SPTAN1: variants seen among roughly 807,000 people sequenced by gnomAD.
SPTAN1 encodes the protein spectrin alpha, non-erythrocytic 1, also known as spectrin alpha chain, non-erythrocytic 1.
Under a neutral mutation model 331.3 loss-of-function variants are expected in SPTAN1, and 61 were observed. The ratio of observed to expected loss-of-function variants is 0.18; its 90% CI spans 0.15 to 0.23. SPTAN1 has a LOEUF of 0.23. Among genes scored for constraint, SPTAN1 ranks in the 10% least tolerant of loss-of-function variants. SPTAN1 has a pLI of 1.00. For missense variants in SPTAN1, 2,043 were observed against 3,147.9 expected (o/e 0.65, Z 8.40); for synonymous variants, 1,153 against 1,173.9 (o/e 0.98, Z 0.36).
chr9:128,613,515 G>T (rs1229818962), intron 40 of SPTAN1, 30 bp downstream of exon 40: 2 of 1,574,328 alleles, frequency 1.3e-6, no homozygotes, highest in Non-Finnish European at 1.7e-6. Context: ...CCAGGCCCGA[G>T]TGCCTGGGAC....
chr9:128,593,203 G>A (rs566633513), intron 23 of SPTAN1, 161 bp downstream of exon 23: 57 of 763,060 alleles, frequency 7.5e-5, no homozygotes, highest in Admixed American at 3.0e-4. Flanking sequence ...GGAAGAGGTC[G>A]CGGTGCAGCT....
intron 1 of SPTAN1, among the ~76,000 whole-genome samples, chr9:128,564,175 C>T (rs1219356655): frequency 6.6e-6 from 1 of 152,052 alleles, no homozygotes; most frequent in Non-Finnish European, 1.5e-5. Flanking sequence ...AATCTTAGCA[C>T]TTTGGGAGGC....
intron 9 of SPTAN1, among the ~76,000 whole-genome samples, chr9:128,578,704 C>T (rs1185673706): frequency 6.6e-6 from 1 of 152,008 alleles, no homozygotes; most frequent in Non-Finnish European, 1.5e-5. Context: ...TGGCACGCGC[C>T]TGTAGTCCCA....
intron 11 of SPTAN1, 150 bp downstream of exon 11, chr9:128,581,209 C>T: frequency 2.7e-6 from 3 of 1,111,096 alleles, no homozygotes; most frequent in Non-Finnish European, 3.9e-6. Flanking sequence ...CTTCTCTCAG[C>T]TCTGCCAGCA....
At chr9:128,594,586 A>G (rs1853978887) in intron 24 of SPTAN1, among the ~76,000 whole-genome samples, 2 of 151,724 alleles carry the variant, frequency 1.3e-5, no homozygotes, top group African/African-American at 2.4e-5. Flanking sequence ...GTGCGTCACC[A>G]CGCCCTGCTA....
intron 46 of SPTAN1, 133 bp from the exon 47 acceptor site, chr9:128,624,970 G>A: frequency 1.2e-6 from 1 of 857,852 alleles, no homozygotes; most frequent in South Asian, 1.4e-5. Context: ...GCTAATGTGG[G>A]TTCTGAGGCT....
At chr9:128,582,067 A>C in intron 12 of SPTAN1, 175 bp downstream of exon 12, 1 of 640,622 alleles carries the variant, frequency 1.6e-6, no homozygotes, top group South Asian at 1.8e-5. Context: ...ATACAACTTT[A>C]TGGAAAAATG....
intron 18 of SPTAN1, among the ~76,000 whole-genome samples, 163 bp downstream of exon 18, chr9:128,585,006 C>A (rs1852400075): frequency 6.7e-6 from 1 of 149,668 alleles, no homozygotes; most frequent in Non-Finnish European, 1.5e-5. Flanking sequence ...CCTTTCTGAG[C>A]CTGAATTTCT....
chr9:128,614,909 T>C (rs964374776), intron 40 of SPTAN1, among the ~76,000 whole-genome samples: 1 of 152,234 alleles, frequency 6.6e-6, no homozygotes, highest in Non-Finnish European at 1.5e-5. Context: ...TGCAACATCA[T>C]GCATGGCTCA....
At chr9:128,588,680 A>G in intron 20 of SPTAN1, 129 bp from the exon 21 acceptor site, 1 of 1,299,888 alleles carries the variant, frequency 7.7e-7, no homozygotes, top group Non-Finnish European at 1.1e-6. Context: ...TGGTAGCTTC[A>G]GTGAAGAATT....
chr9:128,588,619 ATTT>A (rs775953883), intron 20 of SPTAN1, among the ~76,000 whole-genome samples, 187 bp from the exon 21 acceptor site: 3 of 150,176 alleles, frequency 2.0e-5, no homozygotes, highest in African/African-American at 7.3e-5. Flanking sequence ...ACAAAATGAG[ATTT>A]TTTTTTTAAA....
chr9:128,632,016 C>T (rs763722502), intron 52 of SPTAN1, 111 bp from the exon 53 acceptor site: 45 of 1,094,842 alleles, frequency 4.1e-5, no homozygotes, highest in Middle Eastern at 2.5e-4. Flanking sequence ...TCTTGTTTTA[C>T]GAGGTCTCAG....
intron 48 of SPTAN1, 172 bp from the exon 49 acceptor site, chr9:128,626,219 A>C: frequency 1.0e-6 from 1 of 989,974 alleles, no homozygotes. Context: ...AGGGGAAAAA[A>C]GGCTGGTGAA....
chr9:128,621,131 A>C, intron 44 of SPTAN1, 27 bp from the exon 45 acceptor site: 1 of 1,601,566 alleles, frequency 6.2e-7, no homozygotes, highest in African/African-American at 1.3e-5. Flanking sequence ...GGCTCTCAAT[A>C]GTGTGCCTTG....
intron 45 of SPTAN1, among the ~76,000 whole-genome samples, chr9:128,623,182 A>G (rs1156256278): frequency 6.8e-6 from 1 of 148,010 alleles, no homozygotes; most frequent in East Asian, 2.1e-4. Context: ...GAGCTTCCCT[A>G]GCTAGCTGGG....
chr9:128,633,563 C>T lies in SPTAN1; in HGVS notation c.*229C>T, dbSNP rs948626516. The T allele has an allele frequency of 2.8e-6, 3 of 1,066,604 alleles. No homozygotes were observed. Among genetic ancestry groups the T allele is most frequent in the Non-Finnish European group, 4.1e-6 (3 of 728,792 alleles). 66.1% of individuals were successfully genotyped at this position (1,066,604 alleles called of 1,614,324 possible). On this transcript the variant is annotated 3_prime_UTR_variant, in exon 57 of 57. Coordinates refer to ENST00000372739, the MANE Select transcript of SPTAN1 (RefSeq NM_001130438.3). ...GAAGCAGCTGCCCTCATTCCGACTTCAGAAAATCGAAGCAGCTGGCTCCTC... is the reference window on the plus strand; with the variant it reads ...GAAGCAGCTGCCCTCATTCCGACTTTAGAAAATCGAAGCAGCTGGCTCCTC...
intron 28 of SPTAN1, 128 bp from the exon 29 acceptor site, chr9:128,604,198 G>A (rs780538141): frequency 2.1e-6 from 2 of 952,282 alleles, no homozygotes; most frequent in Non-Finnish European, 3.3e-6. Flanking sequence ...TATTCAGCGA[G>A]GAAGGTTGGA....
At position 128,626,525 on chromosome 9, in the gene SPTAN1, C is replaced by T. The variant is rs537595625; in HGVS notation, c.6414C>T (p.His2138=). 59 of 1,614,176 alleles carry T rather than the reference C, an allele frequency of 3.7e-5. No homozygotes were observed. Among genetic ancestry groups the T allele is most frequent in the East Asian group, 4.5e-5 (2 of 44,882 alleles). Residue 2138 remains histidine, a synonymous_variant, in exon 49 of 57, where the codon CAC becomes CAT. Transcript: ENST00000372739. ...LEEIKALREA[H]DAFRSSLSSA... is the part of the protein sequence containing the mutation. ...AAATCAAAGCTTTGCGCGAGGCCCA[C>T]GACGCCTTCCGCTCCTCCCTCAGCT... is the stretch of plus-strand genomic sequence containing the variant.
chr9:128,607,991 A>T lies in SPTAN1; in HGVS notation c.4286A>T (p.Asp1429Val). ...KLDILDQERA[D>V]LEKAWVQRRM... is the part of the protein sequence containing the mutation. ...GATATTCTTGACCAGGAGCGTGCAG[A>T]CCTGGAGAAGGCCTGGGTTCAGCGC... is the stretch of plus-strand genomic sequence containing the variant. Residue 1429 changes from aspartate (D) to valine (V), a missense_variant, in exon 33 of 57, where the codon GAC becomes GTC. Physicochemically the swap from Asp to Val is radical, Grantham distance 152 (BLOSUM62 -3). This residue lies in a region of SPTAN1 where 179 missense variants were observed against 215.7 expected (regional missense o/e 0.83). Transcript: ENST00000372739. 6.2e-7 allele frequency: 1 copy of T among 1,614,120 alleles called. No individual in the cohort carries two copies. Among genetic ancestry groups the T allele is most frequent in the Non-Finnish European group, 8.5e-7 (1 of 1,180,044 alleles).
Sources: gnomAD v4.1 joint callset for allele counts (sites outside exome capture counted in the v4.1 genomes callset) on GRCh38, gnomAD v4.1.1 for gene constraint, gnomAD v4.1.1 regional missense constraint, MANE v1.5 for transcripts, NCBI Gene and HGNC (gene_info 2026-07-23, HGNC 2026-07-21) for gene names.